The following C12orf42 variants were observed in gnomAD, a reference collection of about 807,000 sequenced individuals.
The protein encoded by C12orf42 is chromosome 12 open reading frame 42.
A neutral mutation model predicts 21.6 loss-of-function variants in C12orf42; 25 were observed. That is an observed-to-expected ratio of 1.16 (90% CI 0.84 to 1.62). The LOEUF (loss-of-function observed/expected upper bound fraction) is 1.62. C12orf42 is among the 40% of genes most tolerant of loss of function. The pLI, the probability that C12orf42 is intolerant of heterozygous loss-of-function variation, is 0.00. For synonymous variants in C12orf42, 174 were observed against 175.0 expected (o/e 0.99, Z 0.05); for missense variants, 483 against 459.3 (o/e 1.05, Z -0.47).
At chr12:103,434,757 C>T (rs927774254) in intron 2 of C12orf42, among the ~76,000 whole-genome samples, 1 of 152,186 alleles carries the variant, frequency 6.6e-6, no homozygotes, top group Non-Finnish European at 1.5e-5. Flanking sequence ...CCTACGCCCA[C>T]GGACTCTTGC....
At chr12:103,328,015 G>A (rs2040866159) in intron 4 of C12orf42, among the ~76,000 whole-genome samples, 1 of 152,172 alleles carries the variant, frequency 6.6e-6, no homozygotes, top group Admixed American at 6.5e-5. Flanking sequence ...GTGTGTAGAA[G>A]TGATATCATT....
chr12:103,215,320 A>G, the C12orf42 span, among the ~76,000 whole-genome samples: 10 of 151,246 alleles, frequency 6.6e-5, no homozygotes, highest in African/African-American at 2.4e-4. Context: ...TAATACCAAA[A>G]CTCATATATA....
At chr12:103,159,131 C>A in the C12orf42 span, among the ~76,000 whole-genome samples, 1 of 152,110 alleles carries the variant, frequency 6.6e-6, no homozygotes, top group African/African-American at 2.4e-5. Context: ...TGTCTCCTTG[C>A]CAGAAGATAG....
the C12orf42 span, among the ~76,000 whole-genome samples, chr12:103,152,550 T>C: frequency 1.3e-5 from 2 of 152,252 alleles, no homozygotes; most frequent in South Asian, 4.1e-4. Flanking sequence ...AAAACTGTCA[T>C]TGTTTACAGA....
the C12orf42 span, among the ~76,000 whole-genome samples, chr12:103,544,664 T>C: frequency 1.3e-5 from 2 of 152,218 alleles, no homozygotes; most frequent in Admixed American, 1.3e-4. Context: ...ATCTTATGTG[T>C]CTCCTAACCT....
chr12:103,071,383 C>T, the C12orf42 span, among the ~76,000 whole-genome samples: 1 of 152,152 alleles, frequency 6.6e-6, no homozygotes, highest in East Asian at 1.9e-4. Flanking sequence ...CTAGCAACAC[C>T]CACCTTCCAA....
the C12orf42 span, among the ~76,000 whole-genome samples, chr12:103,069,410 T>C: frequency 1.3e-5 from 2 of 152,142 alleles, no homozygotes; most frequent in African/African-American, 4.8e-5. Flanking sequence ...ACCTAACCTA[T>C]CAAACATCAT....
At chr12:103,497,840 G>T (rs1000810675), upstream of C12orf42, among the ~76,000 whole-genome samples, 8 of 152,064 alleles carry the variant, frequency 5.3e-5, no homozygotes, top group Non-Finnish European at 7.4e-5. Flanking sequence ...TACCATCCTG[G>T]CTAACATGGT....
intron 2 of C12orf42, among the ~76,000 whole-genome samples, chr12:103,468,699 G>C (rs1953338160): frequency 6.6e-6 from 1 of 151,750 alleles, no homozygotes; most frequent in Admixed American, 6.6e-5. Flanking sequence ...GCATAAGCCT[G>C]GATACAAAAC....
At chr12:103,550,349 C>T in the C12orf42 span, 1 of 152,098 alleles carries the variant, frequency 6.6e-6, no homozygotes, top group African/African-American at 2.4e-5. Flanking sequence ...TGTCTCAAAG[C>T]TCATGAAATA....
chr12:103,089,150 G>A, the C12orf42 span, among the ~76,000 whole-genome samples: 8 of 147,754 alleles, frequency 5.4e-5, no homozygotes, highest in South Asian at 1.7e-3. Context: ...CCCCTTGAGT[G>A]TGCAATCTTC....
At chr12:103,555,224 C>T in the C12orf42 span, among the ~76,000 whole-genome samples, 4 of 152,126 alleles carry the variant, frequency 2.6e-5, no homozygotes, top group Non-Finnish European at 4.4e-5. Context: ...GTTTAATGGA[C>T]TTACAGTTTC....
chr12:103,255,380 A>C (rs1477205199), intron 10 of C12orf42, among the ~76,000 whole-genome samples: 1 of 152,146 alleles, frequency 6.6e-6, no homozygotes, highest in Non-Finnish European at 1.5e-5. Flanking sequence ...CAACAAACAA[A>C]AACAAAAACA....
chr12:103,489,841 C>T (rs1955077612), intron 1 of C12orf42, among the ~76,000 whole-genome samples: 1 of 152,164 alleles, frequency 6.6e-6, no homozygotes, highest in Admixed American at 6.5e-5. Flanking sequence ...CCTGTTTTTC[C>T]AAGTATAGCT....
At chr12:103,266,049 A>G (rs1180051435), downstream of C12orf42, among the ~76,000 whole-genome samples, 3 of 152,134 alleles carry the variant, frequency 2.0e-5, no homozygotes, top group Non-Finnish European at 4.4e-5. Context: ...GTAAAAGTTT[A>G]CCAGTGTCAC....
chr12:103,278,251 T>C (rs577106235), intron 4 of C12orf42, among the ~76,000 whole-genome samples: 67 of 152,282 alleles, frequency 4.4e-4, no homozygotes, highest in African/African-American at 1.5e-3. Context: ...ACCTTAGCCA[T>C]GTGGATTTTC....
intron 5 of C12orf42, among the ~76,000 whole-genome samples, 158 bp from the exon 6 acceptor site, chr12:103,302,717 C>A (rs1566038290): frequency 1.3e-5 from 2 of 151,310 alleles, no homozygotes; most frequent in Non-Finnish European, 2.9e-5. Context: ...TCCTCACCTG[C>A]CTCCCCATAT....
At chr12:103,116,370 G>GAAAA in the C12orf42 span, among the ~76,000 whole-genome samples, 3 of 128,626 alleles carry the variant, frequency 2.3e-5, no homozygotes, top group African/African-American at 5.8e-5. Flanking sequence ...ATCTCACCAA[G>GAAAA]AAAAAAAAAA....
intron 2 of C12orf42, among the ~76,000 whole-genome samples, chr12:103,448,779 A>C (rs1202692595): frequency 1.3e-5 from 2 of 151,970 alleles, no homozygotes; most frequent in Non-Finnish European, 2.9e-5. Flanking sequence ...AAAAAATTAA[A>C]AAAAAAATAG....
Sources: gnomAD v4.1 joint callset for allele counts (sites outside exome capture counted in the v4.1 genomes callset) on GRCh38, gnomAD v4.1.1 for gene constraint, MANE v1.5 for transcripts, NCBI Gene and HGNC (gene_info 2026-07-23, HGNC 2026-07-21) for gene names.